The following NANP variants were observed in gnomAD, a reference collection of about 807,000 sequenced individuals.
NANP encodes the protein N-acetylneuraminic acid phosphatase.
NANP carries 15 observed loss-of-function variants against 16.9 expected under a neutral mutation model. The observed-to-expected ratio is 0.89, with a 90% CI of 0.59 to 1.37. The LOEUF is 1.37. Ranked by LOEUF, NANP falls within the 40% of genes most tolerant of loss-of-function variation. The pLI is 0.00. For missense variants in NANP, 290 were observed against 303.5 expected (o/e 0.96, Z 0.33); for synonymous variants, 135 against 112.6 (o/e 1.20, Z -1.26).
At chr20:25,623,198 C>T (rs2065373851) in intron 1 of NANP, among the ~76,000 whole-genome samples, 1 of 152,044 alleles carries the variant, frequency 6.6e-6, no homozygotes, top group African/African-American at 2.4e-5. Context: ...TCTGAAAGCG[C>T]CTCCGCGCGT....
At chr20:25,619,117 G>A (rs2065355064) in intron 1 of NANP, among the ~76,000 whole-genome samples, 1 of 150,132 alleles carries the variant, frequency 6.7e-6, no homozygotes, top group South Asian at 2.1e-4. Flanking sequence ...CAAAGGAAAA[G>A]GGTCTTTTTT....
At chr20:25,618,343 T>A (rs572536005) in intron 1 of NANP, among the ~76,000 whole-genome samples, 1 of 151,772 alleles carries the variant, frequency 6.6e-6, no homozygotes, top group Admixed American at 6.6e-5. Context: ...GAGAAGAAAA[T>A]CATTCCAGAC....
intron 1 of NANP, 84 bp from the exon 2 acceptor site, chr20:25,616,665 G>T: frequency 9.1e-7 from 1 of 1,097,346 alleles, no homozygotes; most frequent in Non-Finnish European, 1.3e-6. Flanking sequence ...ACAAGTGGCT[G>T]AGAGAGTCCA....
chr20:25,617,524 T>C (rs2065348337), intron 1 of NANP, among the ~76,000 whole-genome samples: 1 of 152,070 alleles, frequency 6.6e-6, no homozygotes, highest in Non-Finnish European at 1.5e-5. Flanking sequence ...TTCTGTACTT[T>C]TTTGTTTCTG....
rs761484530 is a variant in NANP at position 25,623,895 on chromosome 20, G to A, written c.54C>T (p.Ile18=). The change falls in exon 1 of 2, where the codon ATC becomes ATT. Residue 18 remains isoleucine, a synonymous_variant. Coordinates refer to ENST00000304788, the MANE Select transcript of NANP (RefSeq NM_152667.3). ...AVFFDLDNTL[I]DTAGASRRGM... ...CTCTCCTGCTCGCCCCGGCCGTGTC[G>A]ATGAGAGTGTTGTCCAAGTCAAAGA... 5 of 1,613,578 alleles carry A rather than the reference G, an allele frequency of 3.1e-6. No homozygotes were observed. The highest frequency in any genetic ancestry group is 1.7e-5 in the Admixed American group (1 of 60,012).
rs1478957397 is a variant in NANP at position 25,616,247 on chromosome 20, A to G, written c.425T>C (p.Ile142Thr). The stretch of plus-strand genomic sequence containing the variant: ...ATAGGACTGACAGGCACAAGCCTCA[A>G]TCTTCTCCCTCTGGGTCTGTCTGTC... ...NGDRQTQREKIEACACQSYFD... is the reference protein window; with the variant it reads ...NGDRQTQREKTEACACQSYFD... Residue 142 changes from isoleucine to threonine, a missense_variant, in exon 2 of 2, where the codon ATT (isoleucine) becomes ACT (threonine). By Grantham distance (89) the Ile-to-Thr change is moderately conservative (BLOSUM62 -1). Transcript: ENST00000304788. The G allele has an allele frequency of 5.0e-6, 8 of 1,614,062 alleles. No homozygotes were observed. In the Admixed American group the frequency reaches 5.0e-5, roughly 10 times the overall value.
At chr20:25,620,282 T>C (rs544450339) in intron 1 of NANP, among the ~76,000 whole-genome samples, 14 of 152,286 alleles carry the variant, frequency 9.2e-5, no homozygotes, top group Non-Finnish European at 1.6e-4. Flanking sequence ...AAGGCAGGGC[T>C]GAAAAAGATT....
At chr20:25,621,344 T>A (rs186176118) in intron 1 of NANP, among the ~76,000 whole-genome samples, 3 of 152,342 alleles carry the variant, frequency 2.0e-5, no homozygotes, top group Admixed American at 2.0e-4. Flanking sequence ...CAGAAATCTC[T>A]TCTGCTTTGT....
At position 25,614,631 on chromosome 20, in the gene NANP, G is replaced by C. The variant is rs1450024525; in HGVS notation, c.*1294C>G. On this transcript the variant is annotated 3_prime_UTR_variant, in exon 2 of 2. Coordinates refer to ENST00000304788, the MANE Select transcript of NANP (RefSeq NM_152667.3). ...AATTTAAGGCAGATGGTAACTCTAA[G>C]AAGAGTCACACGAGTATTAAATTGG... The C allele has an allele frequency of 6.6e-6, 1 of 152,112 alleles. No homozygotes were observed. The highest frequency in any genetic ancestry group is 1.9e-4 in the East Asian group (1 of 5,194). The allele number at this position is 152,112 out of a possible 1,614,324, so 9.4% of individuals were successfully genotyped here.
rs1291132230 is a variant in NANP at position 25,616,418 on chromosome 20, C to T, written c.254G>A (p.Gly85Asp). Residue 85 changes from glycine (G) to aspartate (D), a missense_variant, in exon 2 of 2, where the codon GGT becomes GAT. Gly to Asp is a moderately conservative substitution (Grantham distance 94). Coordinates refer to ENST00000304788, the MANE Select transcript of NANP (RefSeq NM_152667.3). Reference protein sequence around the residue: ...HWEEAIQETKGGAANRKLAEE... With the variant: ...HWEEAIQETKDGAANRKLAEE... ...AGCCAATTTTCTATTGGCTGCACCA[C>T]CTTTTGTTTCCTGGATTGCTTCTTC... 11 of 1,614,026 alleles carry T rather than the reference C, an allele frequency of 6.8e-6. No homozygotes were observed. The highest frequency in any genetic ancestry group is 9.3e-6 in the Non-Finnish European group (11 of 1,180,026).
In NANP at chr20:25,618,944, C is replaced by T. The variant is rs1235965441; in HGVS notation, c.91-2363G>A. Among the ~76,000 whole-genome samples, 5 of 152,112 alleles carry T rather than the reference C, an allele frequency of 3.3e-5. No individual in the cohort carries two copies. In the East Asian group the frequency reaches 9.7e-4, roughly 30 times the overall value. On this transcript the variant is annotated intron_variant, in intron 1 of 1. Transcript: ENST00000304788. ...GAGCACCTGAAGAAAGTCAAACATG[C>T]CAGGCAATGCTGGCTCTTTGAAATG... is the stretch of plus-strand genomic sequence containing the variant.
At chr20:25,617,857 G>C (rs937800603) in intron 1 of NANP, among the ~76,000 whole-genome samples, 1 of 152,094 alleles carries the variant, frequency 6.6e-6, no homozygotes, top group African/African-American at 2.4e-5. Flanking sequence ...CTCTTCCTGC[G>C]TTCCCAAGGC....
intron 1 of NANP, among the ~76,000 whole-genome samples, chr20:25,621,008 T>A (rs146234285): frequency 1.7e-3 from 257 of 152,242 alleles, no homozygotes; most frequent in Middle Eastern, 6.8e-3. Flanking sequence ...TGGCTCCGGG[T>A]CTCATCTTCA....
rs1294861284 is a variant in NANP at position 25,615,666 on chromosome 20, TA to T, written c.*258del. The T allele has an allele frequency of 2.6e-6, 1 of 381,622 alleles. No individual in the cohort carries two copies. Among genetic ancestry groups the T allele is most frequent in the Non-Finnish European group, 4.6e-6 (1 of 215,158 alleles). 23.6% of individuals were successfully genotyped at this position (381,622 alleles called of 1,614,324 possible). A position where few individuals can be genotyped will look rare whatever the true frequency, so the allele number is the denominator to read the frequency against. ...GCTCCAGATACAGACTAACAAATAA[TA>T]TATTTCCTTAAATTTTCTGGGCTAT... On this transcript the variant is annotated 3_prime_UTR_variant, in exon 2 of 2. Coordinates refer to ENST00000304788, the MANE Select transcript of NANP (RefSeq NM_152667.3).
intron 1 of NANP, among the ~76,000 whole-genome samples, chr20:25,619,504 G>C (rs899457930): frequency 6.6e-6 from 1 of 151,762 alleles, no homozygotes; most frequent in Non-Finnish European, 1.5e-5. Context: ...AAAAATTAAA[G>C]AAAAAAGAAA....
At chr20:25,622,410 A>C (rs754226619) in intron 1 of NANP, among the ~76,000 whole-genome samples, 24 of 152,246 alleles carry the variant, frequency 1.6e-4, no homozygotes, top group Non-Finnish European at 3.2e-4. Flanking sequence ...TGAAGATATA[A>C]GGCTCCGAGT....
chr20:25,617,381 T>C (rs1012183231), intron 1 of NANP, among the ~76,000 whole-genome samples: 2 of 152,110 alleles, frequency 1.3e-5, no homozygotes, highest in Non-Finnish European at 2.9e-5. Context: ...CTGGTTAATT[T>C]TTGTATTTTT....
chr20:25,620,337 G>A (rs1229405573), intron 1 of NANP, among the ~76,000 whole-genome samples: 4 of 152,082 alleles, frequency 2.6e-5, no homozygotes, highest in Admixed American at 6.5e-5. Context: ...TGAAGAAAGG[G>A]GCCCTGCTCT....
In NANP at chr20:25,623,978, T is replaced by G. The variant is rs764773297; in HGVS notation, c.-30A>C. 5 of 1,605,998 alleles carry G rather than the reference T, an allele frequency of 3.1e-6. No homozygotes were observed. In the South Asian group the frequency reaches 5.5e-5, roughly 18 times the overall value. ...CCGGCCGCTGGCGCGAACCGTAGCC[T>G]TGCCACCGCCGCCTGCGCATGCGCA... On this transcript the variant is annotated 5_prime_UTR_variant, in exon 1 of 2. Coordinates refer to ENST00000304788, the MANE Select transcript of NANP (RefSeq NM_152667.3).
Sources: allele counts gnomAD v4.1 joint callset (sites outside exome capture counted in the v4.1 genomes callset), GRCh38; gene constraint gnomAD v4.1.1; transcripts MANE v1.5; gene names NCBI Gene and HGNC (gene_info 2026-07-23, HGNC 2026-07-21).